FNBP4: variants seen among roughly 807,000 people sequenced by gnomAD.
FNBP4 encodes formin-binding protein 4.
Under a neutral mutation model 119.3 loss-of-function variants are expected in FNBP4, and 34 were observed. The ratio of observed to expected loss-of-function variants is 0.28; its 90% confidence interval spans 0.22 to 0.38. The LOEUF (loss-of-function observed/expected upper bound fraction) is 0.38. FNBP4 is among the 10% of genes least tolerant of loss of function. The pLI, the probability that FNBP4 is intolerant of heterozygous loss-of-function variation, is 1.00. For synonymous variants in FNBP4, 462 were observed against 430.6 expected (o/e 1.07, Z -0.90); for missense variants, 1,112 against 1,228.9 (o/e 0.90, Z 1.42).
intron 11 of FNBP4, chr11:47,731,896 C>T (rs1565129825): frequency 9.8e-7 from 1 of 1,022,970 alleles, no homozygotes; most frequent in African/African-American, 1.7e-5. Flanking sequence ...TCGCCTAGAA[C>T]ACTAATTTCC....
chr11:47,722,517 T>C (rs2097557002), intron 15 of FNBP4, among the ~76,000 whole-genome samples: 1 of 152,100 alleles, frequency 6.6e-6, no homozygotes, highest in Non-Finnish European at 1.5e-5. Flanking sequence ...AAGCTGATTC[T>C]CCTCCCAGCA....
At position 47,759,350 on chromosome 11, in the gene FNBP4, T is replaced by C. The variant is rs187998930; in HGVS notation, c.314-4686A>G. On this transcript the variant is annotated intron_variant, in intron 2 of 16. Transcript: ENST00000263773. The stretch of plus-strand genomic sequence containing the variant: ...CCTCGGTCTCCCAAGTAGCTGGGAT[T>C]ATAGGCGTGCACCACCACGCCTGGC... 8.7e-4 allele frequency among the ~76,000 whole-genome samples: 132 copies of C among 151,672 alleles called. 1 individual carries two copies. The highest frequency in any genetic ancestry group is 3.4e-3 in the Middle Eastern group (1 of 294).
At chr11:47,765,548 G>A (rs1423961952) in intron 1 of FNBP4, among the ~76,000 whole-genome samples, 186 bp from the exon 2 acceptor site, 3 of 118,042 alleles carry the variant, frequency 2.5e-5, no homozygotes, top group African/African-American at 9.4e-5. Flanking sequence ...TGTAATCCCA[G>A]CACTTTGGGA....
Position 47,754,673 on chromosome 11 carries a change from AAAAAGGT to A in FNBP4, c.314-16_314-10del, listed in dbSNP as rs2097612514. The A allele has an allele frequency of 1.9e-6, 3 of 1,612,528 alleles. No individual in the cohort carries two copies. In the African/African-American group the frequency reaches 4.0e-5, roughly 22 times the overall value. On this transcript the variant is annotated splice_polypyrimidine_tract_variant and intron_variant, in intron 2 of 16. Coordinates refer to ENST00000263773, the MANE Select transcript of FNBP4 (RefSeq NM_015308.5). ...AAGCAAGCATAGACCGCCTAGAAAC[AAAAAGGT>A]AAACAGTATTTGTAACAACAATGTC...
chr11:47,723,899 T>C, intron 14 of FNBP4, 129 bp downstream of exon 14: 1 of 777,874 alleles, frequency 1.3e-6, no homozygotes, highest in Non-Finnish European at 1.9e-6. Flanking sequence ...TTTTTTTAAG[T>C]AAAATAAATG....
rs781782361 is a variant in FNBP4 at position 47,765,376 on chromosome 11, A to AAAG, written c.221-17_221-15dup. Reference sequence around the variant, plus strand: ...CTTCCTGTTCATCTGGATTAAAAAAAAAGAAAAGAAAAGAAAAGAAAAGAA... The same window carrying AAAG: ...CTTCCTGTTCATCTGGATTAAAAAAAAAGAAGAAAAGAAAAGAAAAGAAAAGAA... On this transcript the variant is annotated splice_polypyrimidine_tract_variant and intron_variant, in intron 1 of 16. Transcript: ENST00000263773. 1.5e-5 allele frequency: 15 copies of AAAG among 974,030 alleles called. No homozygotes were observed. The African/African-American group carries it at 2.9e-4, about 19-fold the overall frequency. 60.3% of individuals were successfully genotyped at this position (974,030 alleles called of 1,614,324 possible).
intron 8 of FNBP4, among the ~76,000 whole-genome samples, chr11:47,742,940 C>G (rs1343377430): frequency 6.6e-6 from 1 of 150,682 alleles, no homozygotes; most frequent in African/African-American, 2.4e-5. Context: ...GGATGTCTTT[C>G]TTTATTTAAC....
intron 14 of FNBP4, among the ~76,000 whole-genome samples, chr11:47,723,771 C>T (rs370411588): frequency 6.6e-6 from 1 of 152,098 alleles, no homozygotes; most frequent in African/African-American, 2.4e-5. Flanking sequence ...CCGTGTTGCC[C>T]AGGCTGGTCT....
chr11:47,735,855 G>A (rs972333622), intron 9 of FNBP4, among the ~76,000 whole-genome samples: 1 of 152,042 alleles, frequency 6.6e-6, no homozygotes, highest in Non-Finnish European at 1.5e-5. Flanking sequence ...CGAGGCAGGT[G>A]TATCACGAGG....
chr11:47,762,062 T>A (rs150341456), intron 2 of FNBP4, among the ~76,000 whole-genome samples: 1 of 151,670 alleles, frequency 6.6e-6, no homozygotes, highest in Non-Finnish European at 1.5e-5. Flanking sequence ...GGTCTCGAAC[T>A]CCAGACCTCA....
intron 4 of FNBP4, among the ~76,000 whole-genome samples, chr11:47,752,222 G>A (rs1316507668): frequency 6.6e-6 from 1 of 151,482 alleles, no homozygotes; most frequent in African/African-American, 2.4e-5. Context: ...TCAGGAGTTC[G>A]AGACCAGCTT....
At chr11:47,738,309 G>GT (rs1367516378) in intron 8 of FNBP4, among the ~76,000 whole-genome samples, 1 of 152,254 alleles carries the variant, frequency 6.6e-6, no homozygotes, top group African/African-American at 2.4e-5. Flanking sequence ...CCTCACGCCT[G>GT]TAATCCCAGC....
rs762938690 is a variant in FNBP4, at chr11:47,732,581, A to G, written c.1776T>C (p.Tyr592=). 1.7e-5 allele frequency: 28 copies of G among 1,614,032 alleles called. No individual in the cohort carries two copies. Among genetic ancestry groups the G allele is most frequent in the Non-Finnish European group, 2.4e-5 (28 of 1,180,028 alleles). The change falls in exon 11 of 17, where the codon TAT becomes TAC. Residue 592 remains tyrosine, a synonymous_variant. Coordinates refer to ENST00000263773, the MANE Select transcript of FNBP4 (RefSeq NM_015308.5). The surrounding 1 kb of genome is among the most constrained non-coding windows in gnomAD (Gnocchi z 4.2). ...AGCCTTTAGGAGTGGCGTTTATTTC[A>G]TACTGTTTTAGTTGTTCTGCTGCAT... ...LQDAAEQLKQ[Y]EINATPKGWS...
Position 47,767,243 on chromosome 11 carries a change from G to A in FNBP4, c.46C>T (p.Gln16Ter). The A allele has an allele frequency of 6.4e-7, 1 of 1,569,290 alleles. No individual in the cohort carries two copies. Among genetic ancestry groups the A allele is most frequent in the Non-Finnish European group, 8.6e-7 (1 of 1,165,056 alleles). ...RAVPGRRPIL[Q>*]LSPPGPRGST... ...CCCCGAGGACCCGGCGGAGAGAGTT[G>A]CAGGATGGGCCTACGGCCGGGTACC... The change falls in exon 1 of 17, where the codon CAA (glutamine) becomes TAA (stop). Residue 16 changes from glutamine (Q) to a stop codon, truncating the protein, a stop_gained. Coordinates refer to ENST00000263773, the MANE Select transcript of FNBP4 (RefSeq NM_015308.5). LOFTEE classifies it high-confidence loss of function.
rs11341984 is a variant in FNBP4, at chr11:47,755,635, CAA to C, written c.314-973_314-972del. 2.3e-3 allele frequency among the ~76,000 whole-genome samples: 297 copies of C among 128,644 alleles called. 1 individual carries two copies. The highest frequency in any genetic ancestry group is 0.02 in the East Asian group (91 of 4,460). 84.4% of individuals were successfully genotyped at this position (128,644 alleles called of 152,430 possible). On this transcript the variant is annotated intron_variant, in intron 2 of 16. Transcript: ENST00000263773. The stretch of plus-strand genomic sequence containing the variant: ...CTTGTCTATCCCATAAAAACAAAAA[CAA>C]AAAAAAAAAAAAGGGAAAAGGAAAA...
chr11:47,760,147 T>C (rs2097630211), intron 2 of FNBP4, among the ~76,000 whole-genome samples: 1 of 152,188 alleles, frequency 6.6e-6, no homozygotes, highest in South Asian at 2.1e-4. Context: ...TTTTCACCTA[T>C]GGACAAACTT....
chr11:47,732,713 G>C lies in FNBP4; in HGVS notation c.1687-43C>G, dbSNP rs748730691. ...ATAAGTTAAAGACTTATTATTACAT[G>C]TCAGGAGACACAGGCAAAGGGGATA... On this transcript the variant is annotated intron_variant, in intron 10 of 16. Coordinates refer to ENST00000263773, the MANE Select transcript of FNBP4 (RefSeq NM_015308.5). The surrounding 1 kb of genome is among the most constrained non-coding windows in gnomAD (Gnocchi z 4.2). 4 of 1,587,112 alleles carry C rather than the reference G, an allele frequency of 2.5e-6. No homozygotes were observed. Among genetic ancestry groups the C allele is most frequent in the Non-Finnish European group, 3.5e-6 (4 of 1,155,830 alleles).
chr11:47,727,661 C>G (rs1404279751), intron 12 of FNBP4, among the ~76,000 whole-genome samples: 1 of 152,156 alleles, frequency 6.6e-6, no homozygotes, highest in Non-Finnish European at 1.5e-5. Context: ...TAAAAATACT[C>G]CAATCTCCAA....
chr11:47,740,463 GT>G (rs1271950220), intron 8 of FNBP4, among the ~76,000 whole-genome samples: 1 of 151,356 alleles, frequency 6.6e-6, no homozygotes, highest in African/African-American at 2.4e-5. Context: ...ATATTAACAT[GT>G]TAATATTGAG....
Sources: gnomAD v4.1 joint callset for allele counts (sites outside exome capture counted in the v4.1 genomes callset) on GRCh38, gnomAD v4.1.1 for gene constraint, Gnocchi (gnomAD v3.1) non-coding constraint, MANE v1.5 for transcripts, NCBI Gene and HGNC (gene_info 2026-07-23, HGNC 2026-07-21) for gene names.